HECW1: variants seen among roughly 807,000 people sequenced by gnomAD.
The protein encoded by HECW1 is E3 ubiquitin-protein ligase HECW1.
A neutral mutation model predicts 182.3 loss-of-function variants in HECW1; 61 were observed. The observed-to-expected ratio is 0.33, with a 90% CI of 0.27 to 0.41. HECW1 has a LOEUF of 0.41. HECW1 is among the 10% of genes least tolerant of loss of function. The pLI is 1.00. For missense variants in HECW1, 1,739 were observed against 2,108.9 expected (o/e 0.82, Z 3.44); for synonymous variants, 859 against 832.6 (o/e 1.03, Z -0.55).
chr7:43,421,020 A>G (rs1239262613), intron 8 of HECW1, among the ~76,000 whole-genome samples: 1 of 152,222 alleles, frequency 6.6e-6, no homozygotes, highest in Non-Finnish European at 1.5e-5. Flanking sequence ...AAAAAGCAGG[A>G]CTTTTATACT....
At chr7:43,527,311 T>C (rs182240054) in intron 24 of HECW1, among the ~76,000 whole-genome samples, 9 of 152,304 alleles carry the variant, frequency 5.9e-5, no homozygotes, top group Admixed American at 2.6e-4. Context: ...CCATTCTCAG[T>C]TCTGGAAGCC....
At chr7:43,329,796 A>C (rs1482523488) in intron 5 of HECW1, among the ~76,000 whole-genome samples, 1 of 152,140 alleles carries the variant, frequency 6.6e-6, no homozygotes, top group Non-Finnish European at 1.5e-5. Context: ...GAGGGTGTGA[A>C]GGACTTTGTG....
intron 2 of HECW1, among the ~76,000 whole-genome samples, chr7:43,223,921 A>C (rs760762775): frequency 6.6e-6 from 1 of 152,240 alleles, no homozygotes; most frequent in South Asian, 2.1e-4. Context: ...CAAAAATGCC[A>C]CCTTCTCTCT....
At chr7:43,441,837 G>C (rs551892605) in intron 9 of HECW1, among the ~76,000 whole-genome samples, 1 of 152,270 alleles carries the variant, frequency 6.6e-6, no homozygotes, top group African/African-American at 2.4e-5. Flanking sequence ...AATGTAAAAA[G>C]CTCACAACCA....
chr7:43,426,431 A>G (rs762458184), intron 8 of HECW1, among the ~76,000 whole-genome samples: 5 of 152,198 alleles, frequency 3.3e-5, no homozygotes, highest in Non-Finnish European at 5.9e-5. Context: ...CCAAGGAGAA[A>G]GGGTCTCTTG....
intron 26 of HECW1, among the ~76,000 whole-genome samples, chr7:43,544,889 A>G (rs1384335588): frequency 6.6e-6 from 1 of 152,234 alleles, no homozygotes; most frequent in East Asian, 1.9e-4. Context: ...AATTGGCATG[A>G]AAAATGTCTA....
intron 5 of HECW1, among the ~76,000 whole-genome samples, chr7:43,343,024 CA>C (rs1813204759): frequency 1.6e-5 from 2 of 128,370 alleles, no homozygotes; most frequent in African/African-American, 2.7e-5. Context: ...GACTCCATCT[CA>C]AAAGAAAAAA....
intron 2 of HECW1, among the ~76,000 whole-genome samples, chr7:43,207,015 T>C (rs1795537320): frequency 6.6e-6 from 1 of 152,200 alleles, no homozygotes; most frequent in Admixed American, 6.5e-5. Context: ...TGTAAGAAGG[T>C]GCTTTTGCCT....
rs370346785 is a variant in HECW1 at position 43,305,708 on chromosome 7, CT to C, written c.28-6054del. Among the ~76,000 whole-genome samples, 325 of 152,124 alleles carry C rather than the reference CT, an allele frequency of 2.1e-3. 9 individuals are homozygous for C. In the South Asian group the frequency reaches 0.044, roughly 21 times the overall value. ...CTCCACCTCCCGGGTTCAAGCGATTCTCCCTGCCACAGCTTCAGCAGCTGCG... is the reference window on the plus strand; with the variant it reads ...CTCCACCTCCCGGGTTCAAGCGATTCCCCTGCCACAGCTTCAGCAGCTGCG... On this transcript the variant is annotated intron_variant, in intron 3 of 29. Coordinates refer to ENST00000395891, the MANE Select transcript of HECW1 (RefSeq NM_015052.5).
chr7:43,352,581 T>A (rs1013152213), intron 5 of HECW1, among the ~76,000 whole-genome samples: 3 of 152,232 alleles, frequency 2.0e-5, no homozygotes, highest in African/African-American at 7.2e-5. Context: ...ATCCTAGGTC[T>A]GCCATGAACC....
intron 9 of HECW1, among the ~76,000 whole-genome samples, chr7:43,442,045 T>C (rs1003316448): frequency 1.3e-5 from 2 of 152,260 alleles, no homozygotes; most frequent in Non-Finnish European, 2.9e-5. Context: ...GATACTTTCG[T>C]GAAGCTGGCA....
chr7:43,150,443 A>G (rs1050256344), intron 2 of HECW1, among the ~76,000 whole-genome samples: 3 of 152,036 alleles, frequency 2.0e-5, no homozygotes, highest in Non-Finnish European at 2.9e-5. Flanking sequence ...CAGTGGTGCA[A>G]TGTCAGCTCG....
At chr7:43,120,227 A>G (rs1442043885) in intron 2 of HECW1, among the ~76,000 whole-genome samples, 1 of 152,166 alleles carries the variant, frequency 6.6e-6, no homozygotes, top group Non-Finnish European at 1.5e-5. Flanking sequence ...AGAACGTGCC[A>G]GGTACAAATA....
chr7:43,326,153 G>A (rs1223396819), intron 5 of HECW1, among the ~76,000 whole-genome samples: 1 of 152,218 alleles, frequency 6.6e-6, no homozygotes, highest in East Asian at 1.9e-4. Flanking sequence ...GGGCTGGGGT[G>A]CCCCTTCAAC....
intron 2 of HECW1, among the ~76,000 whole-genome samples, chr7:43,136,194 A>G (rs1314045175): frequency 6.6e-6 from 1 of 152,132 alleles, no homozygotes; most frequent in Non-Finnish European, 1.5e-5. Flanking sequence ...GGCGCCTGAT[A>G]CTACTATAGA....
intron 3 of HECW1, among the ~76,000 whole-genome samples, chr7:43,307,349 C>A (rs1017403021): frequency 6.6e-6 from 1 of 152,210 alleles, no homozygotes; most frequent in Non-Finnish European, 1.5e-5. Context: ...ACAAAAGATA[C>A]TTGAGTTATT....
rs1233029672 is a variant in HECW1 at position 43,336,124 on chromosome 7, T to TTC, written c.460+15400_460+15401dup. On this transcript the variant is annotated intron_variant, in intron 5 of 29. Coordinates refer to ENST00000395891, the MANE Select transcript of HECW1 (RefSeq NM_015052.5). ...CTTTCTTCTTTCTTTCTTTCTTTCT[T>TTC]TCTCTCTCTCTCTCTCTCTTTCTCT... 2.7e-3 allele frequency among the ~76,000 whole-genome samples: 171 copies of TTC among 64,280 alleles called. 3 individuals are homozygous for TTC. The highest frequency in any genetic ancestry group is 4.2e-3 in the South Asian group (7 of 1,656). 42.2% of individuals were successfully genotyped at this position (64,280 alleles called of 152,430 possible). A position where few individuals can be genotyped will look rare whatever the true frequency, so the allele number is the denominator to read the frequency against.
At chr7:43,177,232 G>C (rs1223653395) in intron 2 of HECW1, among the ~76,000 whole-genome samples, 1 of 152,202 alleles carries the variant, frequency 6.6e-6, no homozygotes, top group Non-Finnish European at 1.5e-5. Context: ...CTCAGCTTCT[G>C]TGGATGATGC....
chr7:43,523,228 C>G (rs2080591467), intron 24 of HECW1: 1 of 239,286 alleles, frequency 4.2e-6, no homozygotes, highest in Non-Finnish European at 8.6e-6. Flanking sequence ...GGGTCTCGAA[C>G]TCCTGACCTC....
Sources: allele counts gnomAD v4.1 joint callset (sites outside exome capture counted in the v4.1 genomes callset), GRCh38; gene constraint gnomAD v4.1.1; transcripts MANE v1.5; gene names NCBI Gene and HGNC (gene_info 2026-07-23, HGNC 2026-07-21).